Variants in HESX1 observed in about 807,000 individuals in gnomAD.
The protein encoded by HESX1 is homeobox expressed in ES cells 1.
In HESX1, 11 loss-of-function variants were observed where a neutral mutation model predicts 22.5. The observed-to-expected ratio is 0.49, with a 90% CI of 0.31 to 0.81. The LOEUF (loss-of-function observed/expected upper bound fraction) is 0.81. Ranked by LOEUF, HESX1 falls within the 30% of genes least tolerant of loss-of-function variation. HESX1 has a pLI of 0.05. For missense variants in HESX1, 201 were observed against 212.6 expected (o/e 0.95, Z 0.34); for synonymous variants, 74 against 76.5 (o/e 0.97, Z 0.17).
upstream of HESX1, among the ~76,000 whole-genome samples, chr3:57,200,616 A>G (rs2060480366): frequency 6.6e-6 from 1 of 152,214 alleles, no homozygotes; most frequent in Non-Finnish European, 1.5e-5. Context: ...CAGTTGCACC[A>G]AGTATTTTAA....
chr3:57,213,052 G>C (rs1025127338), intron 1 of HESX1, among the ~76,000 whole-genome samples: 3 of 149,810 alleles, frequency 2.0e-5, no homozygotes, highest in African/African-American at 7.4e-5. Context: ...CCCATAGTGT[G>C]ACACACACAC....
chr3:57,206,750 C>G (rs1387206370), intron 1 of HESX1, among the ~76,000 whole-genome samples: 2 of 152,156 alleles, frequency 1.3e-5, no homozygotes, highest in African/African-American at 4.8e-5. Flanking sequence ...CAAACTAAAC[C>G]CTCTCTGGAG....
At chr3:57,198,720 A>G (rs1579347455) in intron 2 of HESX1, 33 bp downstream of exon 2, 1 of 1,598,634 alleles carries the variant, frequency 6.3e-7, no homozygotes, top group East Asian at 2.2e-5. Context: ...TAAAGCCTTT[A>G]TATTATCATT....
intron 1 of HESX1, among the ~76,000 whole-genome samples, chr3:57,221,754 G>A (rs527735874): frequency 2.0e-5 from 3 of 152,030 alleles, no homozygotes; most frequent in Admixed American, 6.5e-5. Flanking sequence ...CTACAGTCAC[G>A]TGCCACCATG....
intron 1 of HESX1, among the ~76,000 whole-genome samples, chr3:57,215,216 A>C (rs909068652): frequency 2.6e-5 from 4 of 152,198 alleles, no homozygotes; most frequent in Non-Finnish European, 4.4e-5. Context: ...CAGATATTAG[A>C]AATAGTTTAA....
chr3:57,203,379 A>G (rs1300750903), upstream of HESX1, among the ~76,000 whole-genome samples: 1 of 152,204 alleles, frequency 6.6e-6, no homozygotes, highest in Non-Finnish European at 1.5e-5. Flanking sequence ...TTAGAAGGTT[A>G]TGGGAGATAG....
chr3:57,205,798 A>C (rs1413287156), intron 1 of HESX1, among the ~76,000 whole-genome samples: 5 of 152,018 alleles, frequency 3.3e-5, no homozygotes, highest in Non-Finnish European at 7.4e-5. Context: ...ACAGCACTTA[A>C]CCACCTTTGG....
intron 1 of HESX1, among the ~76,000 whole-genome samples, chr3:57,219,324 A>G (rs973214428): frequency 6.6e-6 from 1 of 151,918 alleles, no homozygotes; most frequent in Non-Finnish European, 1.5e-5. Flanking sequence ...CATAGGCCAC[A>G]TGTATGACAT....
At chr3:57,221,709 C>T (rs1432796530) in intron 1 of HESX1, among the ~76,000 whole-genome samples, 3 of 152,104 alleles carry the variant, frequency 2.0e-5, no homozygotes, top group Non-Finnish European at 2.9e-5. Flanking sequence ...CGGGTTCAAG[C>T]GATTCTCCTG....
chr3:57,215,407 C>T (rs1334422430), intron 1 of HESX1, among the ~76,000 whole-genome samples: 1 of 152,146 alleles, frequency 6.6e-6, no homozygotes, highest in Non-Finnish European at 1.5e-5. Flanking sequence ...GGTCTTACCA[C>T]TGTCCAGGAC....
At chr3:57,211,689 C>T (rs540827107) in intron 1 of HESX1, among the ~76,000 whole-genome samples, 23 of 151,690 alleles carry the variant, frequency 1.5e-4, no homozygotes, top group Non-Finnish European at 3.1e-4. Flanking sequence ...AAAAATTAGC[C>T]GGACGTAGTG....
chr3:57,216,554 GTGAGC>G (rs1184301786), intron 1 of HESX1, among the ~76,000 whole-genome samples: 1 of 152,210 alleles, frequency 6.6e-6, no homozygotes, highest in Admixed American at 6.5e-5. Context: ...CGAGGCTGCA[GTGAGC>G]TATATTGTGC....
At chr3:57,220,346 T>TAA (rs1050465544) in intron 1 of HESX1, among the ~76,000 whole-genome samples, 20 of 152,252 alleles carry the variant, frequency 1.3e-4, no homozygotes, top group Non-Finnish European at 4.4e-5. Context: ...GCTAAATCAC[T>TAA]AATGTAGTCT....
chr3:57,227,532 T>C (rs1048280004), upstream of HESX1, among the ~76,000 whole-genome samples: 19 of 152,296 alleles, frequency 1.2e-4, no homozygotes, highest in Non-Finnish European at 2.5e-4. Context: ...GCGATTTAGA[T>C]ACAAACGCGC....
rs773149249 is a variant in HESX1 at position 57,198,273 on chromosome 3, G to A, written c.482C>T (p.Ala161Val). ...TTCTCTATGGGACCTTTTCAGTTTT[G>A]CACGCCGATTTTGAAACCAAATCTA... Reference protein sequence around the residue: ...RIQIWFQNRRAKLKRSHRESQ... With the variant: ...RIQIWFQNRRVKLKRSHRESQ... Residue 161 changes from alanine to valine, a missense_variant, in exon 4 of 4, where the codon GCA becomes GTA. Physicochemically the swap from Ala to Val is moderately conservative, Grantham distance 64. Transcript: ENST00000295934. 1 of 1,612,912 alleles carries A rather than the reference G, an allele frequency of 6.2e-7. No individual in the cohort carries two copies. Among genetic ancestry groups the A allele is most frequent in the Non-Finnish European group, 8.5e-7 (1 of 1,179,422 alleles).
rs2060458216 is a variant in HESX1, at chr3:57,198,085, C to CAATTTTTTATGAATTT, written c.*111_*112insAAATTCATAAAAAATT. On this transcript the variant is annotated 3_prime_UTR_variant, in exon 4 of 4. Transcript: ENST00000295934. ...TACAATATATTTTCAGAAAAAATGA[C>CAATTTTTTATGAATTT]AATATTCAGATTAAATGCAGGAAAG... 2.6e-6 allele frequency: 2 copies of CAATTTTTTATGAATTT among 771,504 alleles called. No individual in the cohort carries two copies. Among genetic ancestry groups the CAATTTTTTATGAATTT allele is most frequent in the Admixed American group, 4.4e-5 (2 of 45,602 alleles). 47.8% of individuals were successfully genotyped at this position (771,504 alleles called of 1,614,324 possible). A position where few individuals can be genotyped will look rare whatever the true frequency, so the allele number is the denominator to read the frequency against.
At chr3:57,215,483 T>C (rs910689171) in intron 1 of HESX1, among the ~76,000 whole-genome samples, 6 of 152,036 alleles carry the variant, frequency 3.9e-5, no homozygotes, top group African/African-American at 1.4e-4. Flanking sequence ...AACAGAAAAA[T>C]GCTGGCCAGG....
intron 1 of HESX1, among the ~76,000 whole-genome samples, chr3:57,205,011 G>A (rs543893715): frequency 1.3e-5 from 2 of 152,292 alleles, no homozygotes; most frequent in East Asian, 3.9e-4. Context: ...AGCATCTCTA[G>A]TGGTCCCTGC....
intron 1 of HESX1, among the ~76,000 whole-genome samples, chr3:57,218,113 T>A (rs1353590919): frequency 6.6e-6 from 1 of 152,202 alleles, no homozygotes; most frequent in Non-Finnish European, 1.5e-5. Context: ...TTTTTTAATT[T>A]TCATTTTTGG....
Sources: allele counts gnomAD v4.1 joint callset (sites outside exome capture counted in the v4.1 genomes callset), GRCh38; gene constraint gnomAD v4.1.1; transcripts MANE v1.5; gene names NCBI Gene and HGNC (gene_info 2026-07-23, HGNC 2026-07-21).